Variants in CSMD2 observed in about 807,000 individuals in gnomAD.
CSMD2 encodes the protein CUB and Sushi multiple domains 2, also known as CUB and sushi domain-containing protein 2.
In CSMD2, 130 loss-of-function variants were observed where a neutral mutation model predicts 398.5. The observed-to-expected ratio is 0.33, with a 90% CI of 0.28 to 0.38. The LOEUF is 0.38. Among genes scored for constraint, CSMD2 ranks in the 10% least tolerant of loss-of-function variants. The probability of loss-of-function intolerance (pLI) is 1.00; values close to 1 mark genes in which losing one functional copy is unlikely to be tolerated. For synonymous variants in CSMD2, 1,828 were observed against 1,908.5 expected (o/e 0.96, Z 1.10); for missense variants, 3,829 against 4,764.9 (o/e 0.80, Z 5.78).
At chr1:33,894,917 T>A (rs969734925) in intron 5 of CSMD2, among the ~76,000 whole-genome samples, 1 of 152,118 alleles carries the variant, frequency 6.6e-6, no homozygotes, top group Non-Finnish European at 1.5e-5. Flanking sequence ...GGGTCCCAAA[T>A]CCTTTTCCCC....
chr1:33,723,311 T>G (rs1361434486), intron 19 of CSMD2, among the ~76,000 whole-genome samples: 1 of 152,248 alleles, frequency 6.6e-6, no homozygotes, highest in Non-Finnish European at 1.5e-5. Flanking sequence ...GATGCCTGGT[T>G]TCCACCGCCA....
At chr1:33,716,032 G>A (rs1646156382) in intron 20 of CSMD2, among the ~76,000 whole-genome samples, 1 of 152,126 alleles carries the variant, frequency 6.6e-6, no homozygotes, top group African/African-American at 2.4e-5. Context: ...GGTGGGCCAT[G>A]TTCAGAGCAA....
At chr1:33,568,757 T>C (rs530487770) in intron 52 of CSMD2, among the ~76,000 whole-genome samples, 1 of 152,282 alleles carries the variant, frequency 6.6e-6, no homozygotes, top group South Asian at 2.1e-4. Context: ...CCTGAGACAG[T>C]GGCAAGACAG....
At chr1:33,920,132 G>T (rs150530560) in intron 4 of CSMD2, among the ~76,000 whole-genome samples, 2 of 152,114 alleles carry the variant, frequency 1.3e-5, no homozygotes, top group East Asian at 3.9e-4. Flanking sequence ...AGGAATGAGA[G>T]AGGAAGACAC....
At chr1:33,980,853 A>G (rs1470036786) in intron 3 of CSMD2, among the ~76,000 whole-genome samples, 2 of 152,198 alleles carry the variant, frequency 1.3e-5, no homozygotes, top group African/African-American at 4.8e-5. Context: ...ATAAAGTGGT[A>G]TTGGAACTCA....
At chr1:34,105,627 T>G (rs1384399629) in intron 1 of CSMD2, among the ~76,000 whole-genome samples, 1 of 152,310 alleles carries the variant, frequency 6.6e-6, no homozygotes, top group Admixed American at 6.5e-5. Context: ...TCTTAAAATA[T>G]GTAAAACAAA....
At chr1:33,773,656 T>G (rs972973124) in intron 12 of CSMD2, among the ~76,000 whole-genome samples, 1 of 149,306 alleles carries the variant, frequency 6.7e-6, no homozygotes, top group African/African-American at 2.5e-5. Context: ...GAGGAGGGGG[T>G]GGTGGAGGGG....
chr1:33,539,213 A>G (rs35225566), intron 60 of CSMD2, among the ~76,000 whole-genome samples: 30,505 of 151,988 alleles, frequency 0.2, 3,227 homozygotes, highest in East Asian at 0.34. Context: ...TGATCCACCC[A>G]CCTCGGCCTC....
rs1181987752 is a variant in CSMD2, at chr1:33,569,532, T to G, written c.7973A>C (p.Glu2658Ala). ...GTGGCCATTGGGGGGAATCGGGAGC[T>G]CTCCACAGGAGATGACTAAAATGAT... Reference protein sequence around the residue: ...TPTCRIISCGELPIPPNGHRI... With the variant: ...TPTCRIISCGALPIPPNGHRI... The change falls in exon 52 of 71, where the codon GAG becomes GCG. Residue 2658 changes from glutamate to alanine, a missense_variant. This residue lies in a region of CSMD2 where 723 missense variants were observed against 758.6 expected (regional missense o/e 0.95). Transcript: ENST00000373381. 3 of 1,613,694 alleles carry G rather than the reference T, an allele frequency of 1.9e-6. No individual in the cohort carries two copies. The African/African-American group carries it at 4.0e-5, about 22-fold the overall frequency.
rs144840756 is a variant in CSMD2, at chr1:33,656,124, A to G, written c.4447+1822T>C. On this transcript the variant is annotated intron_variant, in intron 27 of 70. Coordinates refer to ENST00000373381, the MANE Select transcript of CSMD2 (RefSeq NM_001281956.2). ...GGAAGGGAGTCTGAAGACTTGAAAG[A>G]AGGAATCGAAGAAGGGAAGGATGAA... Among the ~76,000 whole-genome samples, 119 of 152,250 alleles carry G rather than the reference A, an allele frequency of 7.8e-4. 1 individual carries two copies. The East Asian group carries it at 0.02, about 26-fold the overall frequency.
At chr1:33,855,685 G>A (rs904506410) in intron 5 of CSMD2, among the ~76,000 whole-genome samples, 1 of 152,168 alleles carries the variant, frequency 6.6e-6, no homozygotes, top group African/African-American at 2.4e-5. Context: ...TGTCAGATCT[G>A]AGATCCGGGA....
At chr1:34,065,972 G>A (rs947486372) in intron 2 of CSMD2, among the ~76,000 whole-genome samples, 36 of 152,174 alleles carry the variant, frequency 2.4e-4, no homozygotes, top group African/African-American at 8.4e-4. Flanking sequence ...CAGTATTACA[G>A]AATGGTCAAG....
At chr1:33,853,328 G>A (rs963527861) in intron 5 of CSMD2, among the ~76,000 whole-genome samples, 1 of 152,220 alleles carries the variant, frequency 6.6e-6, no homozygotes, top group Admixed American at 6.5e-5. Flanking sequence ...TGATAAGGAT[G>A]CTTTGTCCCA....
intron 12 of CSMD2, among the ~76,000 whole-genome samples, chr1:33,780,975 C>T (rs1391981869): frequency 2.0e-5 from 3 of 152,170 alleles, no homozygotes; most frequent in Non-Finnish European, 4.4e-5. Context: ...AGAGGAAAGG[C>T]GGTGTCCTAG....
chr1:33,870,328 A>G (rs1640368806), intron 5 of CSMD2: 1 of 152,148 alleles, frequency 6.6e-6, no homozygotes. Flanking sequence ...TTGGTCTCTA[A>G]AGGATGGGTT....
chr1:33,646,531 G>T, intron 29 of CSMD2, 117 bp downstream of exon 29: 1 of 1,094,002 alleles, frequency 9.1e-7, no homozygotes, highest in South Asian at 1.5e-5. Flanking sequence ...GCAGTGCTAG[G>T]GTTGGTGTGG....
intron 42 of CSMD2, among the ~76,000 whole-genome samples, chr1:33,604,617 C>T (rs554176150): frequency 2.6e-5 from 4 of 152,208 alleles, no homozygotes; most frequent in Admixed American, 1.3e-4. Flanking sequence ...AGACAAATTT[C>T]TGCCACTCCT....
intron 3 of CSMD2, among the ~76,000 whole-genome samples, chr1:33,970,609 C>T (rs1037502348): frequency 2.6e-5 from 4 of 152,198 alleles, no homozygotes; most frequent in East Asian, 1.9e-4. Context: ...CTTCCCAGCC[C>T]GGGCCTTCCC....
At chr1:34,008,685 T>C (rs1056718462) in intron 3 of CSMD2, among the ~76,000 whole-genome samples, 3 of 152,226 alleles carry the variant, frequency 2.0e-5, no homozygotes, top group African/African-American at 7.2e-5. Context: ...TGTAGGAATA[T>C]AAGTGAAGTC....
Sources: gnomAD v4.1 joint callset for allele counts (sites outside exome capture counted in the v4.1 genomes callset) on GRCh38, gnomAD v4.1.1 for gene constraint, gnomAD v4.1.1 regional missense constraint, MANE v1.5 for transcripts, NCBI Gene and HGNC (gene_info 2026-07-23, HGNC 2026-07-21) for gene names.